DHRS9: variants seen among roughly 807,000 people sequenced by gnomAD.
DHRS9 encodes the protein dehydrogenase/reductase SDR family member 9.
DHRS9 carries 18 observed loss-of-function variants against 26.6 expected under a neutral mutation model. That is an observed-to-expected ratio of 0.68 (90% CI 0.47 to 1.00). The LOEUF (loss-of-function observed/expected upper bound fraction) is 1.00. Ranked by LOEUF, DHRS9 falls within the 50% of genes least tolerant of loss-of-function variation. DHRS9 has a pLI of 0.00. For synonymous variants in DHRS9, 134 were observed against 141.1 expected (o/e 0.95, Z 0.36); for missense variants, 425 against 378.7 (o/e 1.12, Z -1.01).
At chr2:169,068,705 A>G (rs1281052516), upstream of DHRS9, among the ~76,000 whole-genome samples, 1 of 152,220 alleles carries the variant, frequency 6.6e-6, no homozygotes, top group Non-Finnish European at 1.5e-5. Context: ...CAGTTGAACC[A>G]TAATAACTGC....
chr2:169,082,458 T>G (rs1313989288), intron 2 of DHRS9, among the ~76,000 whole-genome samples: 1 of 152,214 alleles, frequency 6.6e-6, no homozygotes, highest in African/African-American at 2.4e-5. Context: ...AGAATTTTTA[T>G]TGGCTTTGAA....
At chr2:169,068,101 C>T (rs987365128), upstream of DHRS9, among the ~76,000 whole-genome samples, 3 of 152,304 alleles carry the variant, frequency 2.0e-5, no homozygotes, top group Admixed American at 1.3e-4. Context: ...TGCATGACCA[C>T]CCAGGTGCAT....
rs1683899598 is a variant in DHRS9 at position 169,074,396 on chromosome 2, G to A, written c.-60+4679G>A. The A allele has an allele frequency of 6.1e-6, 6 of 985,218 alleles. No homozygotes were observed. In the South Asian group the frequency reaches 1.4e-4, roughly 23 times the overall value. 61.0% of individuals were successfully genotyped at this position (985,218 alleles called of 1,614,324 possible). On this transcript the variant is annotated intron_variant, in intron 1 of 4. Transcript: ENST00000674881. ...TACTGCCTCGAGCCAAGAGATTTAC[G>A]CCCTATTAAGCAATTTGTTGTGCGA...
intron 4 of DHRS9, among the ~76,000 whole-genome samples, chr2:169,093,843 A>C (rs1290528237): frequency 6.6e-6 from 1 of 152,208 alleles, no homozygotes. Context: ...TAAAATAGCC[A>C]CTAAGACTTA....
At chr2:169,088,087 G>T (rs1000237067) in intron 3 of DHRS9, among the ~76,000 whole-genome samples, 1 of 152,156 alleles carries the variant, frequency 6.6e-6, no homozygotes, top group Non-Finnish European at 1.5e-5. Flanking sequence ...TTGTGACCTG[G>T]ACTGCCTTTG....
rs139500441 is a variant in DHRS9 at position 169,078,495 on chromosome 2, T to C, written c.-59-3028T>C. On this transcript the variant is annotated intron_variant, in intron 1 of 4. Coordinates refer to ENST00000674881, the MANE Select transcript of DHRS9 (RefSeq NM_001376924.1). ...GAAGCCAGATTTGAGCAAAACGCTA[T>C]ATTAGTTGAATTTGTAGATACAAAA... Among the ~76,000 whole-genome samples, 734 of 152,346 alleles carry C rather than the reference T, an allele frequency of 4.8e-3. 2 individuals carry two copies. The highest frequency in any genetic ancestry group is 0.016 in the African/African-American group (677 of 41,584).
At chr2:169,075,199 G>A (rs750129793) in intron 1 of DHRS9, among the ~76,000 whole-genome samples, 1 of 152,030 alleles carries the variant, frequency 6.6e-6, no homozygotes, top group African/African-American at 2.4e-5. Flanking sequence ...AGAAAAAAAA[G>A]CTTTACTTTC....
At chr2:169,086,070 T>C (rs1177172726) in intron 3 of DHRS9, among the ~76,000 whole-genome samples, 1 of 152,154 alleles carries the variant, frequency 6.6e-6, no homozygotes, top group East Asian at 1.9e-4. Context: ...GAATGAACTT[T>C]CTACCCCATC....
At chr2:169,091,319 G>A (rs1684518552) in intron 3 of DHRS9, among the ~76,000 whole-genome samples, 1 of 151,982 alleles carries the variant, frequency 6.6e-6, no homozygotes, top group Admixed American at 6.6e-5. Context: ...ACAGCATAGG[G>A]AGCAGGTTAG....
At chr2:169,072,627 C>T (rs1683842372) in intron 1 of DHRS9, 3 of 985,378 alleles carry the variant, frequency 3.0e-6, no homozygotes, top group Non-Finnish European at 3.6e-6. Context: ...GGAGAGCGCT[C>T]GAGTTGCAAT....
intron 1 of DHRS9, among the ~76,000 whole-genome samples, chr2:169,080,599 C>A (rs1684152342): frequency 6.6e-6 from 1 of 152,228 alleles, no homozygotes; most frequent in Non-Finnish European, 1.5e-5. Flanking sequence ...ATGCAGGCTT[C>A]TGAAGAAAAA....
At chr2:169,095,465 A>T in intron 4 of DHRS9, 79 bp from the exon 5 acceptor site, 2 of 1,109,218 alleles carry the variant, frequency 1.8e-6, no homozygotes, top group Middle Eastern at 5.1e-4. Context: ...CCTTGTATCC[A>T]TCCTCCCCTT....
intron 4 of DHRS9, among the ~76,000 whole-genome samples, chr2:169,094,834 T>A (rs1684643871): frequency 6.6e-6 from 1 of 152,196 alleles, no homozygotes; most frequent in Admixed American, 6.5e-5. Context: ...GGGGTTGTAA[T>A]CCACCACTAA....
intron 1 of DHRS9, among the ~76,000 whole-genome samples, chr2:169,071,235 A>G (rs554421639): frequency 2.7e-3 from 413 of 152,340 alleles, no homozygotes; most frequent in African/African-American, 9.2e-3. Flanking sequence ...TACACAACAT[A>G]TAATCTTTCC....
At chr2:169,073,402 C>T (rs144540085) in intron 1 of DHRS9, among the ~76,000 whole-genome samples, 18 of 152,352 alleles carry the variant, frequency 1.2e-4, no homozygotes, top group African/African-American at 4.3e-4. Flanking sequence ...AAACGGCCTA[C>T]AACATGTTAG....
chr2:169,090,314 C>A (rs1684482963), intron 3 of DHRS9, among the ~76,000 whole-genome samples: 1 of 152,154 alleles, frequency 6.6e-6, no homozygotes, highest in Admixed American at 6.5e-5. Context: ...GGCCACTTGT[C>A]CCTAGTACGT....
intron 3 of DHRS9, among the ~76,000 whole-genome samples, chr2:169,085,639 A>G (rs190828654): frequency 6.6e-6 from 1 of 152,050 alleles, no homozygotes; most frequent in Admixed American, 6.6e-5. Flanking sequence ...TGCTGTTGGC[A>G]TACAGAAATT....
chr2:169,067,226 A>T, upstream of DHRS9: 1 of 1,535,574 alleles, frequency 6.5e-7, no homozygotes, highest in African/African-American at 1.4e-5. Context: ...GTGACACTGG[A>T]TATACTCCAG....
At chr2:169,076,041 C>A (rs1281985933) in intron 1 of DHRS9, among the ~76,000 whole-genome samples, 1 of 152,170 alleles carries the variant, frequency 6.6e-6, no homozygotes, top group African/African-American at 2.4e-5. Flanking sequence ...TCATTCCTGC[C>A]TGAAACCATT....
Sources: gnomAD v4.1 joint callset for allele counts (sites outside exome capture counted in the v4.1 genomes callset) on GRCh38, gnomAD v4.1.1 for gene constraint, MANE v1.5 for transcripts, NCBI Gene and HGNC (gene_info 2026-07-23, HGNC 2026-07-21) for gene names.